Variants in FGFR1 observed in about 807,000 individuals in gnomAD.
FGFR1 encodes FGFR1/PLAG1 fusion.
In FGFR1, 18 loss-of-function variants were observed where a neutral mutation model predicts 93.7. That is an observed-to-expected ratio of 0.19 (90% CI 0.13 to 0.28). The LOEUF (loss-of-function observed/expected upper bound fraction) is 0.28. Among genes scored for constraint, FGFR1 ranks in the 10% least tolerant of loss-of-function variants. The pLI, the probability that FGFR1 is intolerant of heterozygous loss-of-function variation, is 1.00. For missense variants in FGFR1, 731 were observed against 1,080.4 expected, an observed-to-expected ratio of 0.68 and a Z score of 4.53; for synonymous variants, 448 against 429.3, an observed-to-expected ratio of 1.04 and a Z score of -0.54.
chr8:38,468,182 C>A lies in FGFR1; in HGVS notation c.-290G>T. ...CCAGCCCGGGCGGGAACAATGGAGC[C>A]GGAGCTGGTGCCCCGGAGGCGGGGC... On this transcript the variant is annotated 5_prime_UTR_variant, in exon 1 of 18. Coordinates refer to ENST00000447712, the MANE Select transcript of FGFR1 (RefSeq NM_023110.3). 4.4e-6 allele frequency: 1 copy of A among 228,680 alleles called. No individual in the cohort carries two copies. Among genetic ancestry groups the A allele is most frequent in the Non-Finnish European group, 8.7e-6 (1 of 114,956 alleles). 14.2% of individuals were successfully genotyped at this position (228,680 alleles called of 1,614,324 possible). A position where few individuals can be genotyped will look rare whatever the true frequency, so the allele number is the denominator to read the frequency against.
chr8:38,451,905 C>T (rs193049663), intron 2 of FGFR1, among the ~76,000 whole-genome samples: 1 of 152,176 alleles, frequency 6.6e-6, no homozygotes, highest in Admixed American at 6.6e-5. Context: ...TCTGCAAGCT[C>T]AGAATGTTGG....
chr8:38,433,885 C>A (rs1469713595), intron 2 of FGFR1, among the ~76,000 whole-genome samples: 2 of 152,190 alleles, frequency 1.3e-5, no homozygotes, highest in African/African-American at 4.8e-5. Context: ...TACCATCCCT[C>A]GCCCCTCAAA....
intron 2 of FGFR1, among the ~76,000 whole-genome samples, chr8:38,447,732 C>T (rs1316690385): frequency 1.3e-5 from 2 of 152,162 alleles, no homozygotes; most frequent in African/African-American, 2.4e-5. Flanking sequence ...CTGCCTGCCT[C>T]GGCCTCCCAA....
chr8:38,458,510 C>T (rs1833517164), intron 1 of FGFR1, among the ~76,000 whole-genome samples: 1 of 152,044 alleles, frequency 6.6e-6, no homozygotes, highest in Non-Finnish European at 1.5e-5. Context: ...CACTGCACTA[C>T]AGCCTAGGTG....
chr8:38,466,895 ACC>A (rs35393411), intron 1 of FGFR1, among the ~76,000 whole-genome samples: 34 of 135,782 alleles, frequency 2.5e-4, no homozygotes, highest in East Asian at 1.8e-3. Flanking sequence ...TTCACACCCC[ACC>A]CCCCCCCCAC....
In FGFR1 at chr8:38,461,225, C is replaced by T. The variant is rs555957992; in HGVS notation, c.-88-3691G>A. On this transcript the variant is annotated intron_variant, in intron 1 of 17. Transcript: ENST00000447712. ...GTCTGGTGAGATAGCAGGGGCTGGA[C>T]GGACCACGTGACCTTGAAGCTCTCC... 4.5e-5 allele frequency: 55 copies of T among 1,227,444 alleles called. No individual in the cohort carries two copies. The East Asian group carries it at 6.0e-4, about 13-fold the overall frequency. 76.0% of individuals were successfully genotyped at this position (1,227,444 alleles called of 1,614,324 possible).
rs919905336 is a variant in FGFR1 at position 38,412,572 on chromosome 8, C to T, written c.*1056G>A. The T allele has an allele frequency of 3.4e-5, 8 of 233,280 alleles. No homozygotes were observed. Among genetic ancestry groups the T allele is most frequent in the Non-Finnish European group, 6.8e-5 (8 of 117,960 alleles). 14.5% of individuals were successfully genotyped at this position (233,280 alleles called of 1,614,324 possible). Reference sequence around the variant, plus strand: ...AAAAGCAGCGGAGAGGCAGGAGGTGCGTCGTGAGGTCTGGGTGCAGGACCT... The same window carrying T: ...AAAAGCAGCGGAGAGGCAGGAGGTGTGTCGTGAGGTCTGGGTGCAGGACCT... On this transcript the variant is annotated 3_prime_UTR_variant, in exon 18 of 18. Coordinates refer to ENST00000447712, the MANE Select transcript of FGFR1 (RefSeq NM_023110.3).
intron 1 of FGFR1, chr8:38,465,723 G>A (rs1835346156): frequency 4.5e-6 from 1 of 220,610 alleles, no homozygotes; most frequent in Admixed American, 5.8e-5. Flanking sequence ...CGTCCCACGG[G>A]GCCCTGCTAC....
chr8:38,450,760 T>A (rs999784325), intron 2 of FGFR1, among the ~76,000 whole-genome samples: 1 of 152,262 alleles, frequency 6.6e-6, no homozygotes, highest in Admixed American at 6.5e-5. Context: ...CCCTGAGAAA[T>A]TCCTCCTCCC....
chr8:38,424,759 T>G lies in FGFR1; in HGVS notation c.746-60A>C, dbSNP rs1586292293. 6.4e-7 allele frequency: 1 copy of G among 1,558,792 alleles called. No homozygotes were observed. Among genetic ancestry groups the G allele is most frequent in the Non-Finnish European group, 8.8e-7 (1 of 1,141,616 alleles). Reference sequence around the variant, plus strand: ...GGACCTTGCCATGGCTAAAGAGGGGTGGGCTCACCTGCGCCCCACTTGGCT... The same window carrying G: ...GGACCTTGCCATGGCTAAAGAGGGGGGGGCTCACCTGCGCCCCACTTGGCT... On this transcript the variant is annotated intron_variant, in intron 6 of 17. Transcript: ENST00000447712. This position sits in a 1 kb window ranked among gnomAD's most constrained non-coding sequence, Gnocchi z 4.3.
intron 2 of FGFR1, among the ~76,000 whole-genome samples, chr8:38,439,426 G>A (rs1266950539): frequency 2.0e-5 from 3 of 152,170 alleles, no homozygotes; most frequent in Non-Finnish European, 4.4e-5. Context: ...GCTTACAGCT[G>A]ATGACCCCTG....
rs1180436988 is a variant in FGFR1 at position 38,413,685 on chromosome 8, C to T, written c.2412G>A (p.Glu804=). The stretch of plus-strand genomic sequence containing the variant: ...GGGCTGGGTGTCGGGGCAGGCAGGG[C>T]TCCTCGGGCAGCGGCTCATGAGAGA... ...SVFSHEPLPE[E]PCLPRHPAQL... Residue 804 remains glutamate, a synonymous_variant, in exon 18 of 18, where the codon GAG becomes GAA. Coordinates refer to ENST00000447712, the MANE Select transcript of FGFR1 (RefSeq NM_023110.3). The surrounding 1 kb of genome is among the most constrained non-coding windows in gnomAD (Gnocchi z 4.2). 3.7e-6 allele frequency: 6 copies of T among 1,613,090 alleles called. No individual in the cohort carries two copies. The highest frequency in any genetic ancestry group is 5.1e-6 in the Non-Finnish European group (6 of 1,179,750).
intron 2 of FGFR1, among the ~76,000 whole-genome samples, chr8:38,436,011 C>T (rs138610594): frequency 4.4e-4 from 67 of 152,296 alleles, no homozygotes; most frequent in Non-Finnish European, 9.3e-4. Flanking sequence ...TCTGGATTCC[C>T]TGGTGACCTA....
chr8:38,433,370 G>A (rs1273536526), intron 2 of FGFR1, among the ~76,000 whole-genome samples: 1 of 152,010 alleles, frequency 6.6e-6, no homozygotes, highest in African/African-American at 2.4e-5. Flanking sequence ...GAGTGCAGTG[G>A]CACAATCTTG....
chr8:38,421,866 C>G lies in FGFR1; in HGVS notation c.1012G>C (p.Glu338Gln). 6.2e-7 allele frequency: 1 copy of G among 1,614,092 alleles called. No individual in the cohort carries two copies. Among genetic ancestry groups the G allele is most frequent in the Non-Finnish European group, 8.5e-7 (1 of 1,179,996 alleles). The change falls in exon 8 of 18, where the codon GAG becomes CAG. Residue 338 changes from glutamate to glutamine, a missense_variant. Glu to Gln is a conservative substitution (Grantham distance 29). Transcript: ENST00000447712. ...GAGTTACCCGCCAAGCACGTATACT[C>G]CCCTGCGTCCTCAAAGGAGACATTT... ...LRNVSFEDAG[E>Q]YTCLAGNSIG...
At chr8:38,455,520 T>C (rs924558179) in intron 2 of FGFR1, among the ~76,000 whole-genome samples, 63 of 152,226 alleles carry the variant, frequency 4.1e-4, no homozygotes, top group Middle Eastern at 3.4e-3. Context: ...CTCGAACTCC[T>C]GACCTTGTGA....
rs202034569 is a variant in FGFR1, at chr8:38,457,414, A to G, written c.33T>C (p.Ala11=). MWSWKCLLFW[A]VLVTATLCTA... Reference sequence around the variant, plus strand: ...TGCAGAGTGTGGCTGTGACCAGCACAGCCCAGAAGAGGAGGCACTTCCAGC... The same window carrying G: ...TGCAGAGTGTGGCTGTGACCAGCACGGCCCAGAAGAGGAGGCACTTCCAGC... Residue 11 remains alanine, a synonymous_variant, in exon 2 of 18, where the codon GCT becomes GCC. Coordinates refer to ENST00000447712, the MANE Select transcript of FGFR1 (RefSeq NM_023110.3). 8.7e-5 allele frequency: 140 copies of G among 1,614,034 alleles called. No homozygotes were observed. The highest frequency in any genetic ancestry group is 1.2e-4 in the Non-Finnish European group (138 of 1,180,008).
intron 2 of FGFR1, among the ~76,000 whole-genome samples, chr8:38,451,001 C>G (rs948841187): frequency 1.3e-5 from 2 of 152,136 alleles, no homozygotes; most frequent in Non-Finnish European, 1.5e-5. Context: ...GGCACTGGAG[C>G]CACTTCTCCA....
chr8:38,468,487 C>G lies in FGFR1; in HGVS notation c.-595G>C, dbSNP rs1016932965. On this transcript the variant is annotated 5_prime_UTR_variant, in exon 1 of 18. Coordinates refer to ENST00000447712, the MANE Select transcript of FGFR1 (RefSeq NM_023110.3). ...CGCCGCAATGCGCTACGAGGGGTCT[C>G]GGTCCCGTCCGGACGTGGCCGCCCA... 2.6e-5 allele frequency: 6 copies of G among 228,534 alleles called. No homozygotes were observed. Among genetic ancestry groups the G allele is most frequent in the African/African-American group, 1.3e-4 (6 of 45,042 alleles). 14.2% of individuals were successfully genotyped at this position (228,534 alleles called of 1,614,324 possible).
Sources: allele counts gnomAD v4.1 joint callset (sites outside exome capture counted in the v4.1 genomes callset), GRCh38; gene constraint gnomAD v4.1.1; non-coding constraint Gnocchi (gnomAD v3.1); transcripts MANE v1.5; gene names NCBI Gene and HGNC (gene_info 2026-07-23, HGNC 2026-07-21).